The following ZMAT4 variants were observed in gnomAD, a reference collection of about 807,000 sequenced individuals.
ZMAT4 encodes the protein zinc finger matrin-type 4, also known as zinc finger matrin-type protein 4.
A neutral mutation model predicts 28.7 loss-of-function variants in ZMAT4; 17 were observed. That is an observed-to-expected ratio of 0.59 (90% CI 0.41 to 0.89). The LOEUF is 0.89. ZMAT4 is among the 40% of genes least tolerant of loss of function. ZMAT4 has a pLI of 0.00. For synonymous variants in ZMAT4, 117 were observed against 109.2 expected, an observed-to-expected ratio of 1.07 and a Z score of -0.44; for missense variants, 240 against 283.8, an observed-to-expected ratio of 0.85 and a Z score of 1.11.
At chr8:40,611,930 C>T (rs1312921838) in intron 5 of ZMAT4, among the ~76,000 whole-genome samples, 2 of 152,170 alleles carry the variant, frequency 1.3e-5, no homozygotes, top group Admixed American at 1.3e-4. Context: ...CTACAGAACT[C>T]ATTTTCCATC....
intron 1 of ZMAT4, among the ~76,000 whole-genome samples, chr8:40,845,766 A>T (rs1172741492): frequency 1.0e-5 from 1 of 100,444 alleles, no homozygotes; most frequent in Non-Finnish European, 2.0e-5. Context: ...AGTTCAATAC[A>T]CTTAGTAGTT....
intron 1 of ZMAT4, among the ~76,000 whole-genome samples, chr8:40,860,072 G>A (rs1199178596): frequency 6.6e-6 from 1 of 152,208 alleles, no homozygotes; most frequent in Admixed American, 6.5e-5. Flanking sequence ...TGTGCCTGGA[G>A]CAAGACATAG....
intron 6 of ZMAT4, among the ~76,000 whole-genome samples, chr8:40,570,923 T>A (rs892212524): frequency 6.6e-6 from 1 of 152,088 alleles, no homozygotes; most frequent in Admixed American, 6.6e-5. Flanking sequence ...CATCGGGTAA[T>A]GACCTTGCAC....
intron 5 of ZMAT4, among the ~76,000 whole-genome samples, chr8:40,629,006 T>A (rs1188546171): frequency 8.5e-5 from 5 of 59,106 alleles, no homozygotes; most frequent in Admixed American, 5.8e-4. Context: ...AGCTTTCTTT[T>A]CTTTTTTTTT....
chr8:40,560,527 T>C (rs1441496853), intron 6 of ZMAT4, among the ~76,000 whole-genome samples: 1 of 151,954 alleles, frequency 6.6e-6, no homozygotes, highest in African/African-American at 2.4e-5. Context: ...ATTAAACATT[T>C]ACTGTGAAAG....
At chr8:40,861,909 G>A (rs1193216225) in intron 1 of ZMAT4, among the ~76,000 whole-genome samples, 2 of 152,104 alleles carry the variant, frequency 1.3e-5, no homozygotes, top group African/African-American at 2.4e-5. Flanking sequence ...TCATTAAAAA[G>A]TCAGGAAACA....
rs563913419 is a variant in ZMAT4 at position 40,683,510 on chromosome 8, G to A, written c.350-8579C>T. Among the ~76,000 whole-genome samples the A allele has an allele frequency of 5.3e-5, 8 of 152,280 alleles. No homozygotes were observed. The South Asian group carries it at 1.0e-3, about 20-fold the overall frequency. On this transcript the variant is annotated intron_variant, in intron 4 of 6. Coordinates refer to ENST00000297737, the MANE Select transcript of ZMAT4 (RefSeq NM_024645.3). ...CATAACATCTGTTGGACACCACAGG[G>A]ACCATTAGCTTAAGGTAGCTCACAG... is the stretch of plus-strand genomic sequence containing the variant.
chr8:40,791,925 A>T (rs1814341994), intron 2 of ZMAT4, among the ~76,000 whole-genome samples: 1 of 152,150 alleles, frequency 6.6e-6, no homozygotes, highest in Non-Finnish European at 1.5e-5. Context: ...TGCACAGCAG[A>T]GGGGCCATAA....
intron 5 of ZMAT4, among the ~76,000 whole-genome samples, chr8:40,594,955 C>A (rs957731840): frequency 6.6e-6 from 1 of 152,178 alleles, no homozygotes; most frequent in African/African-American, 2.4e-5. Flanking sequence ...ACACGAACAT[C>A]TTCTAAGAAA....
In ZMAT4 at chr8:40,721,137, C is replaced by A. The variant is rs1291422788; in HGVS notation, c.193-23736G>T. Among the ~76,000 whole-genome samples the A allele has an allele frequency of 4.0e-5, 5 of 125,170 alleles. No individual in the cohort carries two copies. The Admixed American group carries it at 4.4e-4, about 11-fold the overall frequency. The allele number at this position is 125,170 out of a possible 152,430, so 82.1% of individuals were successfully genotyped here. A position where few individuals can be genotyped will look rare whatever the true frequency, so the allele number is the denominator to read the frequency against. ...ATGCTATCCCTCCCCCCTCCCCCCA[C>A]CCCACCACAGTCCCTAGAGTGTGAT... On this transcript the variant is annotated intron_variant, in intron 3 of 6. Coordinates refer to ENST00000297737, the MANE Select transcript of ZMAT4 (RefSeq NM_024645.3).
chr8:40,533,734 T>C (rs1295614015), intron 6 of ZMAT4, among the ~76,000 whole-genome samples: 3 of 152,262 alleles, frequency 2.0e-5, no homozygotes, highest in African/African-American at 7.2e-5. Flanking sequence ...CTTTGAAATG[T>C]TTGAAATTTT....
intron 1 of ZMAT4, among the ~76,000 whole-genome samples, chr8:40,846,765 T>A (rs1816914837): frequency 6.6e-6 from 1 of 152,138 alleles, no homozygotes; most frequent in African/African-American, 2.4e-5. Flanking sequence ...GGCTCACCTC[T>A]CAGAGAGAGC....
chr8:40,735,111 T>A (rs1259506869), intron 3 of ZMAT4, among the ~76,000 whole-genome samples: 1 of 152,218 alleles, frequency 6.6e-6, no homozygotes, highest in Non-Finnish European at 1.5e-5. Context: ...AGGCAGAAAC[T>A]CTGCCTTATC....
chr8:40,811,529 G>A (rs972619593), intron 2 of ZMAT4, among the ~76,000 whole-genome samples: 25 of 152,284 alleles, frequency 1.6e-4, no homozygotes, highest in African/African-American at 6.0e-4. Flanking sequence ...TAGCATCTAA[G>A]CTGGAGTCAC....
intron 3 of ZMAT4, among the ~76,000 whole-genome samples, chr8:40,750,141 G>A (rs1478663434): frequency 2.6e-5 from 4 of 152,142 alleles, no homozygotes; most frequent in Non-Finnish European, 5.9e-5. Context: ...CAGGTCACAT[G>A]AAGTTATAAA....
chr8:40,740,781 C>T (rs549448466), intron 3 of ZMAT4, among the ~76,000 whole-genome samples: 3 of 152,252 alleles, frequency 2.0e-5, no homozygotes, highest in East Asian at 1.9e-4. Context: ...ACACATAAAA[C>T]GAACGAACTG....
At chr8:40,589,798 CTT>C (rs1207053782) in intron 5 of ZMAT4, among the ~76,000 whole-genome samples, 2 of 106,616 alleles carry the variant, frequency 1.9e-5, no homozygotes, top group African/African-American at 3.3e-5. Flanking sequence ...TTTTCTTTTT[CTT>C]TGTCTTTCCT....
rs936146395 is a variant in ZMAT4, at chr8:40,545,917, C to T, written c.675-13679G>A. 2.0e-5 allele frequency among the ~76,000 whole-genome samples: 3 copies of T among 147,662 alleles called. No homozygotes were observed. In the Admixed American group the frequency reaches 2.0e-4, roughly 10 times the overall value. ...AATTTGCTCTAATCCTAGCAGTCCT[C>T]TGAAATGCTGACCCCCTCACCCTGA... On this transcript the variant is annotated intron_variant, in intron 6 of 6. Coordinates refer to ENST00000297737, the MANE Select transcript of ZMAT4 (RefSeq NM_024645.3).
rs115553335 is a variant in ZMAT4, at chr8:40,784,338, G to A, written c.103-16608C>T. 8.4e-3 allele frequency among the ~76,000 whole-genome samples: 1,278 copies of A among 152,084 alleles called. 17 individuals carry two copies. The highest frequency in any genetic ancestry group is 0.029 in the African/African-American group (1,185 of 41,478). ...AAAAACTGCATATCTAAATCAATGC[G>A]GAAAAATCATTTGACAAAATCCGGC... On this transcript the variant is annotated intron_variant, in intron 2 of 6. Coordinates refer to ENST00000297737, the MANE Select transcript of ZMAT4 (RefSeq NM_024645.3).
Sources: allele counts gnomAD v4.1 joint callset (sites outside exome capture counted in the v4.1 genomes callset), GRCh38; gene constraint gnomAD v4.1.1; transcripts MANE v1.5; gene names NCBI Gene and HGNC (gene_info 2026-07-23, HGNC 2026-07-21).